Variants in ATRN observed in about 807,000 individuals in gnomAD.
ATRN encodes attractin, also known as attractin-2.
A neutral mutation model predicts 178.7 loss-of-function variants in ATRN; 54 were observed. The ratio of observed to expected loss-of-function variants is 0.30; its 90% CI spans 0.24 to 0.38. ATRN has a LOEUF of 0.38. ATRN is among the 10% of genes least tolerant of loss of function. The pLI, the probability that ATRN is intolerant of heterozygous loss-of-function variation, is 1.00. For missense variants in ATRN, 1,443 were observed against 1,815.1 expected (o/e 0.79, Z 3.73); for synonymous variants, 636 against 663.0 (o/e 0.96, Z 0.63).
intron 8 of ATRN, 56 bp from the exon 9 acceptor site, chr20:3,562,220 C>T (rs1413491319): frequency 6.9e-7 from 1 of 1,442,770 alleles, no homozygotes; most frequent in Non-Finnish European, 9.5e-7. Context: ...TGGACATTTT[C>T]AGTAGTAGAG....
intron 20 of ATRN, 33 bp from the exon 21 acceptor site, chr20:3,596,344 T>A: frequency 2.5e-6 from 4 of 1,586,160 alleles, no homozygotes; most frequent in Non-Finnish European, 3.5e-6. Context: ...CTGTTTTAAA[T>A]AGCAGTATAA....
intron 2 of ATRN, among the ~76,000 whole-genome samples, chr20:3,538,280 ACTAGTACCATTTGCTGCTGCTGT>A (rs1409994148): frequency 6.6e-6 from 1 of 152,132 alleles, no homozygotes; most frequent in Admixed American, 6.6e-5. Context: ...AGCAGTGATC[ACTAGTACCATTTGCTGCTGCTGT>A]CTTGATTTGT....
At chr20:3,616,477 T>C (rs2086848147) in intron 24 of ATRN, among the ~76,000 whole-genome samples, 1 of 145,358 alleles carries the variant, frequency 6.9e-6, no homozygotes, top group East Asian at 2.0e-4. Context: ...AGCTGATTCC[T>C]AAGGAGCATG....
chr20:3,475,564 T>G (rs548835032), intron 1 of ATRN, among the ~76,000 whole-genome samples: 1 of 152,380 alleles, frequency 6.6e-6, no homozygotes, highest in East Asian at 1.9e-4. Flanking sequence ...TCGTTCATTC[T>G]TATGTGAATC....
intron 6 of ATRN, among the ~76,000 whole-genome samples, chr20:3,557,244 C>T (rs887123134): frequency 2.0e-5 from 3 of 152,046 alleles, no homozygotes; most frequent in African/African-American, 7.2e-5. Flanking sequence ...ATAGAGGTTG[C>T]GGGTAGGCAG....
In ATRN at chr20:3,590,052, C is replaced by T. The variant is rs548101792; in HGVS notation, c.3185-1117C>T. Among the ~76,000 whole-genome samples the T allele has an allele frequency of 2.5e-3, 378 of 152,222 alleles. 1 individual carries two copies. The highest frequency in any genetic ancestry group is 8.7e-3 in the African/African-American group (362 of 41,520). On this transcript the variant is annotated intron_variant, in intron 18 of 28. Transcript: ENST00000262919. ...GCAACCTCTGCCTCCCGGGTTCAAG[C>T]GGTTCTCCTGCCTCAGCCTCCCAAG...
chr20:3,535,211 A>G, intron 1 of ATRN, 42 bp from the exon 2 acceptor site: 1 of 883,970 alleles, frequency 1.1e-6, no homozygotes. Flanking sequence ...ATATGAAATT[A>G]ATATAGCAGA....
At chr20:3,558,935 G>A (rs1402402727) in intron 6 of ATRN, among the ~76,000 whole-genome samples, 1 of 152,032 alleles carries the variant, frequency 6.6e-6, no homozygotes, top group Non-Finnish European at 1.5e-5. Context: ...ATGGTATTCT[G>A]GCTTTTGAAA....
At chr20:3,483,040 T>TCAC (rs2084643039) in intron 1 of ATRN, among the ~76,000 whole-genome samples, 1 of 152,220 alleles carries the variant, frequency 6.6e-6, no homozygotes, top group Non-Finnish European at 1.5e-5. Context: ...TTAATCCTCT[T>TCAC]CACCGTACCC....
chr20:3,534,034 A>G (rs745934791), intron 1 of ATRN, among the ~76,000 whole-genome samples: 6 of 152,190 alleles, frequency 3.9e-5, no homozygotes, highest in Non-Finnish European at 5.9e-5. Context: ...GGCTTCGACT[A>G]ACATTTTGGG....
intron 21 of ATRN, 78 bp downstream of exon 21, chr20:3,596,507 A>G: frequency 7.4e-7 from 1 of 1,352,190 alleles, no homozygotes; most frequent in Non-Finnish European, 1.1e-6. Context: ...GTTTGAGAAT[A>G]GTAAGTGCTA....
chr20:3,577,018 T>C, intron 14 of ATRN, 21 bp downstream of exon 14: 2 of 1,612,826 alleles, frequency 1.2e-6, no homozygotes, highest in Middle Eastern at 3.3e-4. Flanking sequence ...CAGGGTCATC[T>C]TGGTGTGTGT....
chr20:3,480,729 T>C (rs1281730954), intron 1 of ATRN, among the ~76,000 whole-genome samples: 3 of 152,202 alleles, frequency 2.0e-5, no homozygotes, highest in Non-Finnish European at 4.4e-5. Context: ...TACCGCAGTA[T>C]AGAGGACAGG....
chr20:3,587,359 T>G (rs1310159122), intron 18 of ATRN, among the ~76,000 whole-genome samples: 2 of 152,180 alleles, frequency 1.3e-5, no homozygotes, highest in Non-Finnish European at 2.9e-5. Flanking sequence ...GTTTCATAGA[T>G]TTGTGTGTTA....
intron 1 of ATRN, among the ~76,000 whole-genome samples, chr20:3,532,681 A>G (rs987994257): frequency 6.6e-6 from 1 of 152,182 alleles, no homozygotes; most frequent in African/African-American, 2.4e-5. Flanking sequence ...TTGAGCTCCA[A>G]TGCAGGCCTG....
chr20:3,558,483 G>A (rs1048772271), intron 6 of ATRN, among the ~76,000 whole-genome samples: 2 of 151,576 alleles, frequency 1.3e-5, no homozygotes, highest in South Asian at 2.1e-4. Context: ...GAATATCCAG[G>A]TAAACTTTTA....
intron 6 of ATRN, among the ~76,000 whole-genome samples, chr20:3,556,671 A>T (rs2085881083): frequency 6.6e-6 from 1 of 152,164 alleles, no homozygotes; most frequent in Non-Finnish European, 1.5e-5. Flanking sequence ...CTATTCTGTT[A>T]TCTTGGATTC....
In ATRN at chr20:3,547,198, T is replaced by A. The variant is rs966650568; in HGVS notation, c.738-86T>A. On this transcript the variant is annotated intron_variant, in intron 4 of 28. Transcript: ENST00000262919. Reference sequence around the variant, plus strand: ...TTGTGAATGAACTGAGACAGTGAGATTCTTAAACTTGTGTGGGAGGAAGTT... The same window carrying A: ...TTGTGAATGAACTGAGACAGTGAGAATCTTAAACTTGTGTGGGAGGAAGTT... The A allele has an allele frequency of 3.8e-6, 4 of 1,065,512 alleles. No individual in the cohort carries two copies. The African/African-American group carries it at 6.3e-5, about 17-fold the overall frequency. The allele number at this position is 1,065,512 out of a possible 1,614,324, so 66.0% of individuals were successfully genotyped here. A position where few individuals can be genotyped will look rare whatever the true frequency, so the allele number is the denominator to read the frequency against.
Position 3,610,211 on chromosome 20 carries a change from G to A in ATRN, c.3801+5949G>A, listed in dbSNP as rs188266482. On this transcript the variant is annotated intron_variant, in intron 24 of 28. Coordinates refer to ENST00000262919, the MANE Select transcript of ATRN (RefSeq NM_139321.3). ...CTTATTCTGAAATTTATATGAAAGG[G>A]CAAAAGTTCTAGAATAGCTATAACA... Among the ~76,000 whole-genome samples, 556 of 152,238 alleles carry A rather than the reference G, an allele frequency of 3.7e-3. 3 individuals carry two copies. Among genetic ancestry groups the A allele is most frequent in the African/African-American group, 0.013 (524 of 41,532 alleles).
Sources: gnomAD v4.1 joint callset for allele counts (sites outside exome capture counted in the v4.1 genomes callset) on GRCh38, gnomAD v4.1.1 for gene constraint, MANE v1.5 for transcripts, NCBI Gene and HGNC (gene_info 2026-07-23, HGNC 2026-07-21) for gene names.